The following LSM8 variants were observed in gnomAD, a reference collection of about 807,000 sequenced individuals.
LSM8 encodes the protein LSM8 U6 small nuclear RNA associated.
A neutral mutation model predicts 15.0 loss-of-function variants in LSM8; 14 were observed. The observed-to-expected ratio is 0.93, with a 90% CI of 0.62 to 1.46. The LOEUF (loss-of-function observed/expected upper bound fraction) is 1.46. Ranked by LOEUF, LSM8 falls within the 40% of genes most tolerant of loss-of-function variation. The pLI, the probability that LSM8 is intolerant of heterozygous loss-of-function variation, is 0.00. For synonymous variants in LSM8, 50 were observed against 42.1 expected (o/e 1.19, Z -0.73); for missense variants, 90 against 115.4 (o/e 0.78, Z 1.01).
rs773652630 is a variant in LSM8 at position 118,200,900 on chromosome 7, A to G, written c.*8898A>G. Among the ~76,000 whole-genome samples the G allele has an allele frequency of 6.6e-6, 1 of 152,062 alleles. No individual in the cohort carries two copies. The highest frequency in any genetic ancestry group is 1.9e-4 in the East Asian group (1 of 5,182). On this transcript the variant is annotated 3_prime_UTR_variant, in exon 4 of 4. Coordinates refer to ENST00000249299, the MANE Select transcript of LSM8 (RefSeq NM_016200.5). ...TTCTAAATCTTGACTGTTGATTGAC[A>G]ATTAATGGGCTAAATTTCCCATTAG...
intron 3 of LSM8, 154 bp downstream of exon 3, chr7:118,188,559 T>A: frequency 1.5e-6 from 1 of 650,246 alleles, no homozygotes. Flanking sequence ...TATGTTTGTG[T>A]AAAATAAGGC....
In LSM8 at chr7:118,188,354, A is replaced by C; in HGVS notation, c.149A>C (p.Gln50Pro). The change falls in exon 3 of 4, where the codon CAG becomes CCG. Residue 50 changes from glutamine (Q) to proline (P), a missense_variant. Physicochemically the swap from Gln to Pro is moderately conservative, Grantham distance 76 (BLOSUM62 -1). Coordinates refer to ENST00000249299, the MANE Select transcript of LSM8 (RefSeq NM_016200.5). ...ESHERVFSSSQGVEQVVLGLY... is the reference protein window; with the variant it reads ...ESHERVFSSSPGVEQVVLGLY... ...CATGAACGAGTATTCAGCTCTTCAC[A>C]GGGGGTAGAACAAGTGGTACTAGGA... is the stretch of plus-strand genomic sequence containing the variant. 1 of 1,613,436 alleles carries C rather than the reference A, an allele frequency of 6.2e-7. No homozygotes were observed. The highest frequency in any genetic ancestry group is 8.5e-7 in the Non-Finnish European group (1 of 1,179,368).
chr7:118,185,154 G>A (rs1411784281), intron 1 of LSM8: 2 of 151,838 alleles, frequency 1.3e-5, no homozygotes, highest in African/African-American at 4.8e-5. Context: ...TTTGAGATAA[G>A]ATACACCGAT....
Position 118,187,851 on chromosome 7 carries a change from T to C in LSM8, c.73-427T>C, listed in dbSNP as rs78115960. On this transcript the variant is annotated intron_variant, in intron 2 of 3. Transcript: ENST00000249299. ...TAGCACACTGCCTAGTGCTGGCATA[T>C]AGCATATAGTGATACTATTACATTG... Among the ~76,000 whole-genome samples, 876 of 152,338 alleles carry C rather than the reference T, an allele frequency of 5.8e-3. 10 individuals carry two copies. The highest frequency in any genetic ancestry group is 0.02 in the African/African-American group (832 of 41,572).
At position 118,198,412 on chromosome 7, in the gene LSM8, A is replaced by G. The variant is rs1446352956; in HGVS notation, c.*6410A>G. 6.6e-6 allele frequency among the ~76,000 whole-genome samples: 1 copy of G among 152,228 alleles called. No homozygotes were observed. The highest frequency in any genetic ancestry group is 1.5e-5 in the Non-Finnish European group (1 of 68,038). ...AATGAAATTCTACATTAAAGAAAGA[A>G]GAATAAACCTTAACAACTCATTAGT... is the stretch of plus-strand genomic sequence containing the variant. On this transcript the variant is annotated 3_prime_UTR_variant, in exon 4 of 4. Coordinates refer to ENST00000249299, the MANE Select transcript of LSM8 (RefSeq NM_016200.5).
intron 2 of LSM8, among the ~76,000 whole-genome samples, chr7:118,186,984 T>G (rs62466469): frequency 0.069 from 10,436 of 152,240 alleles, 386 homozygotes; most frequent in East Asian, 0.11. Context: ...TAAAGAAGAA[T>G]GAAAGTGATA....
At position 118,203,597 on chromosome 7, in the gene LSM8, T is replaced by C. The variant is rs1809202230; in HGVS notation, c.*11595T>C. On this transcript the variant is annotated 3_prime_UTR_variant, in exon 4 of 4. Transcript: ENST00000249299. ...ACTCTGAATATCAAAGTCAGTGATGTCTCCAAAAGGCAAAGGGAAGTGTAC... is the reference window on the plus strand; with the variant it reads ...ACTCTGAATATCAAAGTCAGTGATGCCTCCAAAAGGCAAAGGGAAGTGTAC... 6.6e-6 allele frequency among the ~76,000 whole-genome samples: 1 copy of C among 151,754 alleles called. No homozygotes were observed. Among genetic ancestry groups the C allele is most frequent in the Non-Finnish European group, 1.5e-5 (1 of 67,756 alleles).
At position 118,197,566 on chromosome 7, in the gene LSM8, C is replaced by T. The variant is rs1286476227; in HGVS notation, c.*5564C>T. Among the ~76,000 whole-genome samples the T allele has an allele frequency of 6.6e-6, 1 of 151,942 alleles. No homozygotes were observed. The highest frequency in any genetic ancestry group is 2.4e-5 in the African/African-American group (1 of 41,366). ...TTAAAATAAATGCCCTGAAAGTGAT[C>T]ACAATGATAGTTAAAAGTTAAATTT... On this transcript the variant is annotated 3_prime_UTR_variant, in exon 4 of 4. Coordinates refer to ENST00000249299, the MANE Select transcript of LSM8 (RefSeq NM_016200.5).
rs1809174645 is a variant in LSM8, at chr7:118,201,592, AT to A, written c.*9593del. On this transcript the variant is annotated 3_prime_UTR_variant, in exon 4 of 4. Transcript: ENST00000249299. ...ATAAAAAGCTCAGTAAAATTCATTAATTTGAGAATGTGTCTATATCATAGTA... is the reference window on the plus strand; with the variant it reads ...ATAAAAAGCTCAGTAAAATTCATTAATTGAGAATGTGTCTATATCATAGTA... 6.6e-6 allele frequency among the ~76,000 whole-genome samples: 1 copy of A among 152,116 alleles called. No individual in the cohort carries two copies. The highest frequency in any genetic ancestry group is 1.5e-5 in the Non-Finnish European group (1 of 67,988).
chr7:118,189,043 T>A (rs750737973), intron 3 of LSM8: 1 of 152,222 alleles, frequency 6.6e-6, no homozygotes, highest in Non-Finnish European at 1.5e-5. Context: ...GGCAAGTGGA[T>A]CAGGTCAGGA....
Position 118,194,156 on chromosome 7 carries a change from A to G in LSM8, c.*2154A>G, listed in dbSNP as rs915536919. On this transcript the variant is annotated 3_prime_UTR_variant, in exon 4 of 4. Coordinates refer to ENST00000249299, the MANE Select transcript of LSM8 (RefSeq NM_016200.5). Reference sequence around the variant, plus strand: ...ATGAGTAGTAACATAATTAATATACAGTGTCAATATTTTATATTTAATGAG... The same window carrying G: ...ATGAGTAGTAACATAATTAATATACGGTGTCAATATTTTATATTTAATGAG... Among the ~76,000 whole-genome samples, 1 of 152,244 alleles carries G rather than the reference A, an allele frequency of 6.6e-6. No individual in the cohort carries two copies. The highest frequency in any genetic ancestry group is 2.4e-5 in the African/African-American group (1 of 41,564).
In LSM8 at chr7:118,198,633, T is replaced by C. The variant is rs1028944571; in HGVS notation, c.*6631T>C. Among the ~76,000 whole-genome samples, 1 of 152,160 alleles carries C rather than the reference T, an allele frequency of 6.6e-6. No individual in the cohort carries two copies. Among genetic ancestry groups the C allele is most frequent in the African/African-American group, 2.4e-5 (1 of 41,444 alleles). On this transcript the variant is annotated 3_prime_UTR_variant, in exon 4 of 4. Transcript: ENST00000249299. The stretch of plus-strand genomic sequence containing the variant: ...GACTTGTGCTTGACCCTAAGGATAG[T>C]AAGGATTTCCATAGATGGTTAGGAA...
rs1372821490 is a variant in LSM8 at position 118,195,377 on chromosome 7, T to C, written c.*3375T>C. Among the ~76,000 whole-genome samples, 1 of 152,184 alleles carries C rather than the reference T, an allele frequency of 6.6e-6. No homozygotes were observed. Among genetic ancestry groups the C allele is most frequent in the Non-Finnish European group, 1.5e-5 (1 of 68,014 alleles). The stretch of plus-strand genomic sequence containing the variant: ...TAGACTGCATTTTAAACATTTGGTA[T>C]GATTTTGAGGACATAACCGTAAACA... On this transcript the variant is annotated 3_prime_UTR_variant, in exon 4 of 4. Coordinates refer to ENST00000249299, the MANE Select transcript of LSM8 (RefSeq NM_016200.5).
chr7:118,201,469 T>C lies in LSM8; in HGVS notation c.*9467T>C, dbSNP rs1809173069. ...TTTTCACTTACATGAGCCAAAACGG[T>C]TCCTTTGCATCAATAAATCGCTCTG... On this transcript the variant is annotated 3_prime_UTR_variant, in exon 4 of 4. Coordinates refer to ENST00000249299, the MANE Select transcript of LSM8 (RefSeq NM_016200.5). 6.6e-6 allele frequency among the ~76,000 whole-genome samples: 1 copy of C among 151,976 alleles called. No individual in the cohort carries two copies. The highest frequency in any genetic ancestry group is 2.4e-5 in the African/African-American group (1 of 41,390).
rs1305458834 is a variant in LSM8, at chr7:118,199,188, G to A, written c.*7186G>A. Among the ~76,000 whole-genome samples the A allele has an allele frequency of 6.6e-6, 1 of 151,768 alleles. No individual in the cohort carries two copies. The highest frequency in any genetic ancestry group is 1.5e-5 in the Non-Finnish European group (1 of 67,974). The stretch of plus-strand genomic sequence containing the variant: ...ACTGGGAGCATAGCAGCTTTTCTGA[G>A]TCCTATGATTCCAAGTGTATCAATG... On this transcript the variant is annotated 3_prime_UTR_variant, in exon 4 of 4. Coordinates refer to ENST00000249299, the MANE Select transcript of LSM8 (RefSeq NM_016200.5).
intron 2 of LSM8, among the ~76,000 whole-genome samples, chr7:118,186,867 G>C (rs770272002): frequency 2.6e-5 from 4 of 151,934 alleles, no homozygotes; most frequent in Non-Finnish European, 5.9e-5. Context: ...GCCTATTGCT[G>C]TTAATAGATA....
rs1459962535 is a variant in LSM8 at position 118,196,705 on chromosome 7, TTTATTTA to T, written c.*4706_*4712del. On this transcript the variant is annotated 3_prime_UTR_variant, in exon 4 of 4. Coordinates refer to ENST00000249299, the MANE Select transcript of LSM8 (RefSeq NM_016200.5). The stretch of plus-strand genomic sequence containing the variant: ...TTTTTTTTAAGTCCTTTAATTTTTA[TTTATTTA>T]TTTATTTATTTATTTATTTATTTAT... Among the ~76,000 whole-genome samples, 208 of 36,688 alleles carry T rather than the reference TTTATTTA, an allele frequency of 5.7e-3. 2 individuals carry two copies. Among genetic ancestry groups the T allele is most frequent in the South Asian group, 0.047 (28 of 596 alleles). The allele number at this position is 36,688 out of a possible 152,430, so 24.1% of individuals were successfully genotyped here. A position where few individuals can be genotyped will look rare whatever the true frequency, so the allele number is the denominator to read the frequency against.
rs547929217 is a variant in LSM8 at position 118,195,212 on chromosome 7, G to A, written c.*3210G>A. Among the ~76,000 whole-genome samples the A allele has an allele frequency of 6.6e-6, 1 of 152,258 alleles. No individual in the cohort carries two copies. The highest frequency in any genetic ancestry group is 2.1e-4 in the South Asian group (1 of 4,830). ...AAGGAATAGTCACTAAACAGCGAAG[G>A]AAAGTGGTGGAATTATTAAAAGACC... On this transcript the variant is annotated 3_prime_UTR_variant, in exon 4 of 4. Transcript: ENST00000249299.
chr7:118,198,689 A>G lies in LSM8; in HGVS notation c.*6687A>G, dbSNP rs774501513. On this transcript the variant is annotated 3_prime_UTR_variant, in exon 4 of 4. Transcript: ENST00000249299. ...CAAATTGGCAGACAGGAAGGCAAGA[A>G]GGAGTAAGATGTGGTTGAGTAATAA... Among the ~76,000 whole-genome samples the G allele has an allele frequency of 2.6e-5, 4 of 152,218 alleles. No homozygotes were observed. Among genetic ancestry groups the G allele is most frequent in the Non-Finnish European group, 4.4e-5 (3 of 68,038 alleles).
Sources: allele counts gnomAD v4.1 joint callset (sites outside exome capture counted in the v4.1 genomes callset), GRCh38; gene constraint gnomAD v4.1.1; transcripts MANE v1.5; gene names NCBI Gene and HGNC (gene_info 2026-07-23, HGNC 2026-07-21).